Variants in USP31 observed in about 807,000 individuals in gnomAD.
The protein encoded by USP31 is ubiquitin carboxyl-terminal hydrolase 31.
USP31 carries 44 observed loss-of-function variants against 119.4 expected under a neutral mutation model. The observed-to-expected ratio is 0.37, with a 90% confidence interval of 0.29 to 0.47. USP31 has a LOEUF of 0.47. Ranked by LOEUF, USP31 falls within the 20% of genes least tolerant of loss-of-function variation. USP31 has a pLI of 0.99. For missense variants in USP31, 1,643 were observed against 1,730.2 expected, an observed-to-expected ratio of 0.95 and a Z score of 0.89; for synonymous variants, 749 against 705.6, an observed-to-expected ratio of 1.06 and a Z score of -0.97.
Position 23,067,160 on chromosome 16 carries a change from T to C in USP31, c.*886A>G, listed in dbSNP as rs1166453596. On this transcript the variant is annotated 3_prime_UTR_variant, in exon 16 of 16. Transcript: ENST00000219689. ...AATCTAGAAGTTTTTTCCAGGAATC[T>C]GTCAAAGGTGTTAACTGCTCTACTA... The C allele has an allele frequency of 6.5e-6, 1 of 152,674 alleles. No homozygotes were observed. The highest frequency in any genetic ancestry group is 1.5e-5 in the Non-Finnish European group (1 of 68,044). 9.5% of individuals were successfully genotyped at this position (152,674 alleles called of 1,614,324 possible). A position where few individuals can be genotyped will look rare whatever the true frequency, so the allele number is the denominator to read the frequency against.
At chr16:23,132,200 A>T (rs1903049739) in intron 1 of USP31, among the ~76,000 whole-genome samples, 1 of 152,252 alleles carries the variant, frequency 6.6e-6, no homozygotes, top group Non-Finnish European at 1.5e-5. Context: ...ATAAAAGGTC[A>T]TTTGAGGAAC....
At chr16:23,148,601 C>A (rs1382156814) in intron 1 of USP31, 37 bp downstream of exon 1, 21 of 1,424,776 alleles carry the variant, frequency 1.5e-5, no homozygotes, top group Admixed American at 6.4e-5. Flanking sequence ...CCCAGGGGCT[C>A]GGGGTGCAGT....
intron 11 of USP31, among the ~76,000 whole-genome samples, chr16:23,082,823 T>TTC (rs1250637291): frequency 4.2e-5 from 6 of 142,262 alleles, no homozygotes; most frequent in East Asian, 2.0e-4. Flanking sequence ...GTTACTTTCT[T>TTC]TCTCTCTCTT....
intron 6 of USP31, among the ~76,000 whole-genome samples, chr16:23,100,152 C>A (rs1349081727): frequency 6.6e-6 from 1 of 152,158 alleles, no homozygotes; most frequent in African/African-American, 2.4e-5. Context: ...AGTTACCACA[C>A]AACCCAGCAG....
intron 1 of USP31, among the ~76,000 whole-genome samples, chr16:23,129,729 T>G (rs1375258230): frequency 1.3e-5 from 2 of 152,236 alleles, no homozygotes; most frequent in African/African-American, 2.4e-5. Context: ...AAGTGAGAAG[T>G]GTACAAGTAC....
rs1899984175 is a variant in USP31, at chr16:23,064,402, T to G, written c.*3644A>C. 1 of 152,236 alleles carries G rather than the reference T, an allele frequency of 6.6e-6. No homozygotes were observed. The highest frequency in any genetic ancestry group is 1.5e-5 in the Non-Finnish European group (1 of 68,052). The allele number at this position is 152,236 out of a possible 1,614,324, so 9.4% of individuals were successfully genotyped here. On this transcript the variant is annotated 3_prime_UTR_variant, in exon 16 of 16. Coordinates refer to ENST00000219689, the MANE Select transcript of USP31 (RefSeq NM_020718.4). ...TCTTGGTCCCTTTACATACTGTTGC[T>G]ATTTTTTTCATGATAGTTATTTTAA...
chr16:23,105,638 G>A, intron 4 of USP31, 62 bp from the exon 5 acceptor site: 1 of 1,447,566 alleles, frequency 6.9e-7, no homozygotes. Context: ...TATAGAAGAT[G>A]CAAAATAAAC....
In USP31 at chr16:23,102,219, A is replaced by T. The variant is rs756005397; in HGVS notation, c.1234+100T>A. Reference sequence around the variant, plus strand: ...AATCATGTGTATTTTACCACAATTTAAAAAAAAATGTATATCATTATATAA... The same window carrying T: ...AATCATGTGTATTTTACCACAATTTTAAAAAAAATGTATATCATTATATAA... On this transcript the variant is annotated intron_variant, in intron 6 of 15. Coordinates refer to ENST00000219689, the MANE Select transcript of USP31 (RefSeq NM_020718.4). 5.4e-5 allele frequency: 59 copies of T among 1,085,802 alleles called. 1 individual carries two copies. The highest frequency in any genetic ancestry group is 2.5e-4 in the Middle Eastern group (1 of 4,050). The allele number at this position is 1,085,802 out of a possible 1,614,324, so 67.3% of individuals were successfully genotyped here.
intron 1 of USP31, among the ~76,000 whole-genome samples, chr16:23,140,230 C>T (rs1903315209): frequency 6.6e-6 from 1 of 152,194 alleles, no homozygotes; most frequent in Non-Finnish European, 1.5e-5. Flanking sequence ...GCCCCCTCTC[C>T]TCTCCCCAGT....
intron 1 of USP31, among the ~76,000 whole-genome samples, chr16:23,139,053 AATCT>A (rs1452713216): frequency 1.3e-5 from 2 of 152,034 alleles, no homozygotes; most frequent in African/African-American, 4.8e-5. Flanking sequence ...AGACTTAATA[AATCT>A]ATATATCCTG....
At chr16:23,083,695 CGGGGGGGGGG>C (rs11311505) in intron 11 of USP31, among the ~76,000 whole-genome samples, 1 of 37,882 alleles carries the variant, frequency 2.6e-5, no homozygotes, top group Non-Finnish European at 4.6e-5. Context: ...GCAAACCTGG[CGGGGGGGGGG>C]GGGGGGAAGG....
intron 1 of USP31, among the ~76,000 whole-genome samples, chr16:23,116,067 G>A (rs1567241372): frequency 6.6e-6 from 1 of 152,182 alleles, no homozygotes; most frequent in Non-Finnish European, 1.5e-5. Flanking sequence ...ATACTGGTCT[G>A]ACATGAATGA....
chr16:23,075,869 T>A (rs1223193219), intron 13 of USP31, among the ~76,000 whole-genome samples: 1 of 152,132 alleles, frequency 6.6e-6, no homozygotes, highest in Non-Finnish European at 1.5e-5. Flanking sequence ...GAGGACTGCT[T>A]GAGATATGGA....
In USP31 at chr16:23,067,887, T is replaced by G; in HGVS notation, c.*159A>C. 1.1e-6 allele frequency: 1 copy of G among 932,288 alleles called. No homozygotes were observed. The highest frequency in any genetic ancestry group is 1.5e-6 in the Non-Finnish European group (1 of 656,946). The allele number at this position is 932,288 out of a possible 1,614,324, so 57.8% of individuals were successfully genotyped here. A position where few individuals can be genotyped will look rare whatever the true frequency, so the allele number is the denominator to read the frequency against. ...GGCGACGCTTTGAACAATTTGCAAT[T>G]GAATTAGACACACACACGCATACAC... On this transcript the variant is annotated 3_prime_UTR_variant, in exon 16 of 16. Coordinates refer to ENST00000219689, the MANE Select transcript of USP31 (RefSeq NM_020718.4).
At chr16:23,120,895 A>T (rs1415394411) in intron 1 of USP31, among the ~76,000 whole-genome samples, 1 of 152,160 alleles carries the variant, frequency 6.6e-6, no homozygotes, top group Non-Finnish European at 1.5e-5. Flanking sequence ...TAAGCCAAAG[A>T]TCCATATATT....
At chr16:23,134,069 CCT>C (rs1903110297) in intron 1 of USP31, among the ~76,000 whole-genome samples, 1 of 140,302 alleles carries the variant, frequency 7.1e-6, no homozygotes, top group South Asian at 2.3e-4. Context: ...ACAGTGAGAC[CCT>C]GTCTCTCTCT....
At chr16:23,128,640 A>T (rs1245682991) in intron 1 of USP31, among the ~76,000 whole-genome samples, 1 of 152,232 alleles carries the variant, frequency 6.6e-6, no homozygotes, top group Non-Finnish European at 1.5e-5. Flanking sequence ...CAAGTAAAAA[A>T]GGAATGTTAG....
chr16:23,109,196 CGAA>C (rs1902225214), intron 1 of USP31, among the ~76,000 whole-genome samples: 1 of 152,124 alleles, frequency 6.6e-6, no homozygotes, highest in Admixed American at 6.5e-5. Context: ...CACTGAAAGG[CGAA>C]GAAGTAGTGA....
chr16:23,117,497 G>C (rs1902529515), intron 1 of USP31, among the ~76,000 whole-genome samples: 2 of 152,154 alleles, frequency 1.3e-5, no homozygotes, highest in African/African-American at 4.8e-5. Flanking sequence ...AAAACTAAGG[G>C]TTAAAGTATG....
Sources: gnomAD v4.1 joint callset for allele counts (sites outside exome capture counted in the v4.1 genomes callset) on GRCh38, gnomAD v4.1.1 for gene constraint, MANE v1.5 for transcripts, NCBI Gene and HGNC (gene_info 2026-07-23, HGNC 2026-07-21) for gene names.